The following MYRIP variants were observed in gnomAD, a reference collection of about 807,000 sequenced individuals.
The protein encoded by MYRIP is myosin VIIA and Rab interacting protein.
Under a neutral mutation model 98.0 loss-of-function variants are expected in MYRIP, and 49 were observed. The ratio of observed to expected loss-of-function variants is 0.50; its 90% CI spans 0.40 to 0.63. The LOEUF is 0.63. MYRIP is among the 30% of genes least tolerant of loss of function. MYRIP has a pLI of 0.00. For missense variants in MYRIP, 1,004 were observed against 1,058.2 expected (o/e 0.95, Z 0.71); for synonymous variants, 404 against 409.5 (o/e 0.99, Z 0.16).
intron 7 of MYRIP, 125 bp from the exon 8 acceptor site, chr3:40,169,825 T>G (rs920650419): frequency 9.3e-7 from 1 of 1,072,678 alleles, no homozygotes. Context: ...TGAAACAGCC[T>G]GGTGTTCTGT....
At chr3:40,172,625 T>C (rs1198619763) in intron 8 of MYRIP, among the ~76,000 whole-genome samples, 1 of 152,188 alleles carries the variant, frequency 6.6e-6, no homozygotes. Flanking sequence ...AGTTATGAGC[T>C]GTACTTCACT....
In MYRIP at chr3:40,244,536, G is replaced by A; in HGVS notation, c.2191G>A (p.Glu731Lys). 6.2e-7 allele frequency: 1 copy of A among 1,614,058 alleles called. No individual in the cohort carries two copies. The highest frequency in any genetic ancestry group is 8.5e-7 in the Non-Finnish European group (1 of 1,179,966). Residue 731 changes from glutamate (E) to lysine (K), a missense_variant, in exon 13 of 17, where the codon GAG becomes AAG. This residue lies in a region of MYRIP where 880 missense variants were observed against 907.7 expected (regional missense o/e 0.97). Transcript: ENST00000302541. Reference protein sequence around the residue: ...AARCIHSGTDETHLADLEDQV... With the variant: ...AARCIHSGTDKTHLADLEDQV... ...CCGCTGCATCCACAGTGGCACTGAT[G>A]AGACCCATCTGGCGGATCTGGAGGA...
chr3:40,050,729 C>A (rs958776162), intron 3 of MYRIP, among the ~76,000 whole-genome samples: 1 of 152,164 alleles, frequency 6.6e-6, no homozygotes, highest in African/African-American at 2.4e-5. Flanking sequence ...GGAAAGGATT[C>A]ACCATTCTAG....
At chr3:39,916,515 T>C (rs1944164662) in intron 2 of MYRIP, among the ~76,000 whole-genome samples, 1 of 152,062 alleles carries the variant, frequency 6.6e-6, no homozygotes, top group African/African-American at 2.4e-5. Flanking sequence ...AAAGTACTGA[T>C]TGACATGCCA....
chr3:40,114,246 T>C (rs1714409), intron 3 of MYRIP, among the ~76,000 whole-genome samples: 78,943 of 151,966 alleles, frequency 0.52, 20,758 homozygotes, highest in Admixed American at 0.61. Context: ...CACAAATACT[T>C]ACATTATGTA....
chr3:40,043,046 G>C (rs1247510017), intron 2 of MYRIP, among the ~76,000 whole-genome samples: 1 of 152,160 alleles, frequency 6.6e-6, no homozygotes, highest in Non-Finnish European at 1.5e-5. Context: ...TCACTTTCTG[G>C]TGCTTTTTAA....
chr3:39,953,846 C>A (rs1945089095), intron 2 of MYRIP, among the ~76,000 whole-genome samples: 1 of 152,198 alleles, frequency 6.6e-6, no homozygotes, highest in Admixed American at 6.5e-5. Context: ...TTCCAAACGG[C>A]ATACCAGGAG....
intron 2 of MYRIP, among the ~76,000 whole-genome samples, chr3:39,905,762 A>G (rs942856470): frequency 6.6e-6 from 1 of 152,204 alleles, no homozygotes; most frequent in Non-Finnish European, 1.5e-5. Context: ...AAATATTAAC[A>G]TTGTTTACCG....
At chr3:39,997,865 C>A (rs1347224872) in intron 2 of MYRIP, among the ~76,000 whole-genome samples, 1 of 152,250 alleles carries the variant, frequency 6.6e-6, no homozygotes, top group South Asian at 2.1e-4. Flanking sequence ...CCCTGCGATG[C>A]AAGCCTGGTT....
intron 2 of MYRIP, among the ~76,000 whole-genome samples, chr3:39,920,826 A>C (rs1179621214): frequency 1.3e-5 from 2 of 152,192 alleles, no homozygotes; most frequent in Admixed American, 1.3e-4. Flanking sequence ...CTAGCACCAT[A>C]GTGAGGGAGA....
intron 2 of MYRIP, among the ~76,000 whole-genome samples, chr3:39,946,937 T>G (rs139968360): frequency 1.0e-3 from 156 of 152,258 alleles, no homozygotes; most frequent in Middle Eastern, 3.4e-3. Flanking sequence ...AGTGGTGCTA[T>G]TAATGCCAAA....
At chr3:39,920,003 A>G (rs944382271) in intron 2 of MYRIP, among the ~76,000 whole-genome samples, 1 of 152,152 alleles carries the variant, frequency 6.6e-6, no homozygotes, top group Non-Finnish European at 1.5e-5. Flanking sequence ...CTCACCATAC[A>G]AGGAAGATGA....
intron 2 of MYRIP, among the ~76,000 whole-genome samples, chr3:40,002,196 G>A (rs78677899): frequency 0.028 from 4,195 of 152,294 alleles, 117 homozygotes; most frequent in African/African-American, 0.073. Context: ...ATTAACTCAT[G>A]ATGTAGAGCA....
intron 4 of MYRIP, among the ~76,000 whole-genome samples, chr3:40,154,130 T>C (rs1255600777): frequency 5.8e-5 from 8 of 138,574 alleles, no homozygotes; most frequent in Non-Finnish European, 1.3e-4. Context: ...TAGAGTGAGA[T>C]TCCGTCTCAA....
chr3:39,837,644 T>C (rs762752557), intron 1 of MYRIP, among the ~76,000 whole-genome samples: 1 of 152,224 alleles, frequency 6.6e-6, no homozygotes, highest in Non-Finnish European at 1.5e-5. Context: ...TGAAGTCAGA[T>C]AGCATGATGC....
chr3:39,860,831 C>T (rs945239196), intron 1 of MYRIP, among the ~76,000 whole-genome samples: 30 of 152,314 alleles, frequency 2.0e-4, no homozygotes, highest in African/African-American at 7.0e-4. Context: ...TTCCCATTGG[C>T]ATGTGTAGGC....
At chr3:40,106,668 C>T (rs1431286377) in intron 3 of MYRIP, among the ~76,000 whole-genome samples, 7 of 152,028 alleles carry the variant, frequency 4.6e-5, no homozygotes, top group African/African-American at 1.7e-4. Flanking sequence ...CTTTTGAAGT[C>T]CCCCATTATG....
intron 2 of MYRIP, among the ~76,000 whole-genome samples, chr3:40,022,906 T>C (rs1340595812): frequency 6.6e-6 from 1 of 152,118 alleles, no homozygotes; most frequent in African/African-American, 2.4e-5. Flanking sequence ...CCACATAAGA[T>C]CGTGACCTGG....
At chr3:39,843,900 A>T (rs955566202) in intron 1 of MYRIP, among the ~76,000 whole-genome samples, 1 of 152,192 alleles carries the variant, frequency 6.6e-6, no homozygotes, top group African/African-American at 2.4e-5. Context: ...GGGGAAGTAC[A>T]TGAAGTTGGA....
Sources: gnomAD v4.1 joint callset for allele counts (sites outside exome capture counted in the v4.1 genomes callset) on GRCh38, gnomAD v4.1.1 for gene constraint, gnomAD v4.1.1 regional missense constraint, MANE v1.5 for transcripts, NCBI Gene and HGNC (gene_info 2026-07-23, HGNC 2026-07-21) for gene names.